The following KIAA0319L variants were observed in gnomAD, a reference collection of about 807,000 sequenced individuals.
KIAA0319L encodes dyslexia-associated protein KIAA0319-like protein.
A neutral mutation model predicts 120.1 loss-of-function variants in KIAA0319L; 55 were observed. The ratio of observed to expected loss-of-function variants is 0.46; its 90% CI spans 0.37 to 0.57. The LOEUF is 0.57. Ranked by LOEUF, KIAA0319L falls within the 20% of genes least tolerant of loss-of-function variation. The pLI, the probability that KIAA0319L is intolerant of heterozygous loss-of-function variation, is 0.00. For synonymous variants in KIAA0319L, 398 were observed against 471.9 expected (o/e 0.84, Z 2.03); for missense variants, 1,049 against 1,255.3 (o/e 0.84, Z 2.48).
At chr1:35,435,818 T>C (rs1482737624) in intron 20 of KIAA0319L, among the ~76,000 whole-genome samples, 1 of 152,148 alleles carries the variant, frequency 6.6e-6, no homozygotes, top group Non-Finnish European at 1.5e-5. Context: ...GCCACAGACA[T>C]GAAATGTGGT....
chr1:35,471,520 G>C (rs1280923728), intron 5 of KIAA0319L, among the ~76,000 whole-genome samples: 3 of 152,074 alleles, frequency 2.0e-5, no homozygotes, highest in Non-Finnish European at 4.4e-5. Flanking sequence ...TTTAAAACAG[G>C]CCCAGTGAAA....
At chr1:35,498,070 C>T (rs546475005) in intron 3 of KIAA0319L, among the ~76,000 whole-genome samples, 6 of 152,286 alleles carry the variant, frequency 3.9e-5, no homozygotes, top group East Asian at 1.9e-4. Context: ...CAGTGGCTCA[C>T]GCCTGTAATC....
Position 35,434,596 on chromosome 1 carries a change from T to C in KIAA0319L, c.*298A>G. 2.7e-6 allele frequency: 1 copy of C among 376,452 alleles called. No homozygotes were observed. The highest frequency in any genetic ancestry group is 5.4e-5 in the East Asian group (1 of 18,364). The allele number at this position is 376,452 out of a possible 1,614,324, so 23.3% of individuals were successfully genotyped here. A position where few individuals can be genotyped will look rare whatever the true frequency, so the allele number is the denominator to read the frequency against. The stretch of plus-strand genomic sequence containing the variant: ...CTGTCCACTGGGGAGCTGCAGAGCT[T>C]AGCAGCTGGCTGGGTCTGCCCTCGG... On this transcript the variant is annotated 3_prime_UTR_variant, in exon 21 of 21. Transcript: ENST00000325722.
Position 35,532,895 on chromosome 1 carries a change from C to A in KIAA0319L, c.142+21455G>T, listed in dbSNP as rs187549629. ...CCCTCTTTCTAAAATCATAGCAAAG[C>A]AGAGAAAGCAGTGCTCCCATATGTA... On this transcript the variant is annotated intron_variant, in intron 2 of 20. Coordinates refer to ENST00000325722, the MANE Select transcript of KIAA0319L (RefSeq NM_024874.5). Among the ~76,000 whole-genome samples the A allele has an allele frequency of 3.3e-5, 5 of 152,280 alleles. No homozygotes were observed. The East Asian group carries it at 9.6e-4, about 29-fold the overall frequency.
chr1:35,453,500 T>A lies in KIAA0319L; in HGVS notation c.1913+57A>T, dbSNP rs1239374003. ...TCAACTCATAATAGCAAATAAAACC[T>A]TGCTCTTCCAAGGTCTGGAGGCTTT... is the stretch of plus-strand genomic sequence containing the variant. On this transcript the variant is annotated intron_variant, in intron 12 of 20. Transcript: ENST00000325722. The surrounding 1 kb of genome is among the most constrained non-coding windows in gnomAD (Gnocchi z 4.1). 1.9e-6 allele frequency: 3 copies of A among 1,565,218 alleles called. No individual in the cohort carries two copies. In the East Asian group the frequency reaches 6.7e-5, roughly 35 times the overall value.
intron 8 of KIAA0319L, 123 bp downstream of exon 8, chr1:35,462,498 T>C: frequency 1.4e-6 from 1 of 718,666 alleles, no homozygotes; most frequent in Non-Finnish European, 2.3e-6. Flanking sequence ...TCCCCTAACA[T>C]GGTCAAGATG....
chr1:35,554,344 T>C lies in KIAA0319L; in HGVS notation c.142+6A>G. On this transcript the variant is annotated splice_donor_region_variant and intron_variant, in intron 2 of 20. Coordinates refer to ENST00000325722, the MANE Select transcript of KIAA0319L (RefSeq NM_024874.5). ...AAAAATCTTAAATCTATAAAGAAAA[T>C]AGTACCTGTTGACAACCACAGAACG... 1 of 1,552,376 alleles carries C rather than the reference T, an allele frequency of 6.4e-7. No homozygotes were observed. Among genetic ancestry groups the C allele is most frequent in the Non-Finnish European group, 8.6e-7 (1 of 1,157,184 alleles).
chr1:35,474,246 G>A (rs1176626470), intron 5 of KIAA0319L, among the ~76,000 whole-genome samples: 1 of 152,092 alleles, frequency 6.6e-6, no homozygotes, highest in Non-Finnish European at 1.5e-5. Flanking sequence ...TGTCACGCTT[G>A]GGTTCAAATC....
At chr1:35,526,380 T>TAC (rs1186292190) in intron 2 of KIAA0319L, among the ~76,000 whole-genome samples, 6 of 125,214 alleles carry the variant, frequency 4.8e-5, no homozygotes, top group Admixed American at 1.7e-4. Flanking sequence ...TACATATATA[T>TAC]ATACATACAT....
At chr1:35,498,621 G>A (rs1644896621) in intron 3 of KIAA0319L, among the ~76,000 whole-genome samples, 1 of 151,906 alleles carries the variant, frequency 6.6e-6, no homozygotes, top group Admixed American at 6.6e-5. Flanking sequence ...AGTAAGCCAG[G>A]CCCAGCAATT....
intron 19 of KIAA0319L, 147 bp downstream of exon 19, chr1:35,442,099 C>T (rs1414096711): frequency 1.5e-6 from 1 of 675,074 alleles, no homozygotes; most frequent in African/African-American, 1.8e-5. Flanking sequence ...GCAAAGCTGC[C>T]CGTGCATGCC....
chr1:35,490,956 A>T lies in KIAA0319L; in HGVS notation c.667-11744T>A, dbSNP rs541977800. Among the ~76,000 whole-genome samples, 9 of 152,254 alleles carry T rather than the reference A, an allele frequency of 5.9e-5. No homozygotes were observed. In the East Asian group the frequency reaches 1.5e-3, roughly 26 times the overall value. On this transcript the variant is annotated intron_variant, in intron 3 of 20. Transcript: ENST00000325722. ...TTGTGCTGCTTCCCCTTTGCCTTCC[A>T]CCATGATTGTAAGTTTCCTGAGGCT...
chr1:35,530,263 C>T (rs866104128), intron 2 of KIAA0319L, among the ~76,000 whole-genome samples: 1 of 151,196 alleles, frequency 6.6e-6, no homozygotes. Flanking sequence ...TGGACTCAAG[C>T]GATCTGCTTG....
At chr1:35,546,070 G>C in intron 2 of KIAA0319L, among the ~76,000 whole-genome samples, 1 of 152,172 alleles carries the variant, frequency 6.6e-6, no homozygotes, top group East Asian at 1.9e-4. Flanking sequence ...GCAGCGTACA[G>C]ATGGCTAAGT....
Position 35,453,204 on chromosome 1 carries a change from T to G in KIAA0319L, c.1913+353A>C, listed in dbSNP as rs1423972837. 6.6e-6 allele frequency among the ~76,000 whole-genome samples: 1 copy of G among 152,200 alleles called. No individual in the cohort carries two copies. Among genetic ancestry groups the G allele is most frequent in the Admixed American group, 6.6e-5 (1 of 15,266 alleles). ...CTCTGCCCCATCCCCCGTGCCAGCC[T>G]TACCCAGTTAATTCTGAGCAACAGT... is the stretch of plus-strand genomic sequence containing the variant. On this transcript the variant is annotated intron_variant, in intron 12 of 20. Transcript: ENST00000325722. The surrounding 1 kb of genome is among the most constrained non-coding windows in gnomAD (Gnocchi z 4.1).
rs747876929 is a variant in KIAA0319L, at chr1:35,455,968, T to C, written c.1656+45A>G. On this transcript the variant is annotated intron_variant, in intron 10 of 20. Transcript: ENST00000325722. ...GTTTCTAAAAATGCAGTCCAGCAGC[T>C]CTACTTCTCTTGGGCAAGAAAAAAT... 7.0e-5 allele frequency: 100 copies of C among 1,438,586 alleles called. 1 individual carries two copies. Among genetic ancestry groups the C allele is most frequent in the Non-Finnish European group, 9.4e-5 (97 of 1,037,250 alleles). The allele number at this position is 1,438,586 out of a possible 1,614,324, so 89.1% of individuals were successfully genotyped here.
In KIAA0319L at chr1:35,460,385, C is replaced by G; in HGVS notation, c.1347G>C (p.Gly449=). 6.2e-7 allele frequency: 1 copy of G among 1,611,496 alleles called. No individual in the cohort carries two copies. The highest frequency in any genetic ancestry group is 1.1e-5 in the South Asian group (1 of 91,016). ...CAGAAATCTTCTCTTCTCTTAGAGGCCCCTTAAGTTCTTCCCAATGGTACT... is the reference window on the plus strand; with the variant it reads ...CAGAAATCTTCTCTTCTCTTAGAGGGCCCTTAAGTTCTTCCCAATGGTACT... The part of the protein sequence containing the change: ...IVQYHWEELK[G]PLREEKISED... The change falls in exon 9 of 21, where the codon GGG becomes GGC. Residue 449 remains glycine, a synonymous_variant. Transcript: ENST00000325722.
At chr1:35,549,249 T>C (rs184387679) in intron 2 of KIAA0319L, among the ~76,000 whole-genome samples, 1 of 152,182 alleles carries the variant, frequency 6.6e-6, no homozygotes, top group East Asian at 1.9e-4. Context: ...GGTTTCACTA[T>C]GTTGTCCAGG....
At chr1:35,441,620 T>A (rs944295482) in intron 19 of KIAA0319L, among the ~76,000 whole-genome samples, 4 of 152,334 alleles carry the variant, frequency 2.6e-5, no homozygotes, top group Admixed American at 1.3e-4. Context: ...AGCCTAAGTT[T>A]TTTTATCTGT....
Sources: gnomAD v4.1 joint callset for allele counts (sites outside exome capture counted in the v4.1 genomes callset) on GRCh38, gnomAD v4.1.1 for gene constraint, Gnocchi (gnomAD v3.1) non-coding constraint, MANE v1.5 for transcripts, NCBI Gene and HGNC (gene_info 2026-07-23, HGNC 2026-07-21) for gene names.